The following PDE1A variants were observed in gnomAD, a reference collection of about 807,000 sequenced individuals.
PDE1A encodes the protein phosphodiesterase 1A.
Under a neutral mutation model 61.7 loss-of-function variants are expected in PDE1A, and 35 were observed. The ratio of observed to expected loss-of-function variants is 0.57; its 90% CI spans 0.43 to 0.75. The LOEUF (loss-of-function observed/expected upper bound fraction) is 0.75. Ranked by LOEUF, PDE1A falls within the 30% of genes least tolerant of loss-of-function variation. The probability of loss-of-function intolerance (pLI) is 0.00; values close to 1 mark genes in which losing one functional copy is unlikely to be tolerated. For missense variants in PDE1A, 597 were observed against 630.6 expected (o/e 0.95, Z 0.57); for synonymous variants, 232 against 213.2 (o/e 1.09, Z -0.77).
chr2:182,302,136 C>T (rs911511581), intron 1 of PDE1A, among the ~76,000 whole-genome samples: 14 of 152,168 alleles, frequency 9.2e-5, no homozygotes, highest in African/African-American at 3.4e-4. Flanking sequence ...TTAGCAAACA[C>T]CCATAATAAC....
chr2:182,237,710 G>T lies in PDE1A; in HGVS notation c.350+2400C>A, dbSNP rs577894969. 2.0e-5 allele frequency among the ~76,000 whole-genome samples: 3 copies of T among 152,292 alleles called. No homozygotes were observed. The South Asian group carries it at 6.2e-4, about 32-fold the overall frequency. ...GGCAGCAATAGTGAGGAACAGCATA[G>T]AGTGATCCGGGAAGACCTCTGGAAC... On this transcript the variant is annotated intron_variant, in intron 3 of 13. Coordinates refer to ENST00000351439, the Ensembl canonical transcript of PDE1A.
chr2:182,149,511 G>A (rs1030158406), intron 13 of PDE1A, among the ~76,000 whole-genome samples: 1 of 152,116 alleles, frequency 6.6e-6, no homozygotes, highest in Non-Finnish European at 1.5e-5. Context: ...TAAAATTCCA[G>A]CTCTTTTCAG....
intron 2 of PDE1A, among the ~76,000 whole-genome samples, chr2:182,446,486 C>T (rs543966664): frequency 6.6e-6 from 1 of 152,040 alleles, no homozygotes. Context: ...GGAGTGGCTA[C>T]TACAACATAC....
At chr2:182,248,172 A>G (rs1258496365) in intron 2 of PDE1A, among the ~76,000 whole-genome samples, 1 of 151,188 alleles carries the variant, frequency 6.6e-6, no homozygotes, top group Non-Finnish European at 1.5e-5. Context: ...CAGGAGAATC[A>G]CTTGAACCCA....
chr2:182,697,027 T>G, the PDE1A span, among the ~76,000 whole-genome samples: 9 of 152,212 alleles, frequency 5.9e-5, no homozygotes, highest in Non-Finnish European at 1.2e-4. Context: ...TTCTAAATGT[T>G]ACATATAAGC....
chr2:182,609,727 A>C, the PDE1A span, among the ~76,000 whole-genome samples: 1 of 152,254 alleles, frequency 6.6e-6, no homozygotes, highest in Non-Finnish European at 1.5e-5. Flanking sequence ...AGTCAGTGAG[A>C]CCAAGAACCC....
chr2:182,703,936 C>G, the PDE1A span, among the ~76,000 whole-genome samples: 1 of 151,972 alleles, frequency 6.6e-6, no homozygotes, highest in Non-Finnish European at 1.5e-5. Flanking sequence ...CGTGATGGCT[C>G]ACACCTGTAA....
At chr2:182,266,384 A>C (rs905645132) in intron 1 of PDE1A, among the ~76,000 whole-genome samples, 11 of 152,302 alleles carry the variant, frequency 7.2e-5, no homozygotes, top group African/African-American at 2.4e-4. Flanking sequence ...CATTATTCTT[A>C]GTCAAACTGT....
intron 2 of PDE1A, among the ~76,000 whole-genome samples, chr2:182,261,763 A>C (rs1395212934): frequency 6.6e-6 from 1 of 152,202 alleles, no homozygotes; most frequent in African/African-American, 2.4e-5. Flanking sequence ...TGCACCAGAA[A>C]AATGAATAAA....
chr2:182,171,959 T>A (rs1252002114), intron 13 of PDE1A, among the ~76,000 whole-genome samples: 1 of 151,922 alleles, frequency 6.6e-6, no homozygotes, highest in Non-Finnish European at 1.5e-5. Flanking sequence ...AAAACTCCCA[T>A]GAACTCTTGC....
At chr2:182,402,392 T>G (rs1369458646) in intron 1 of PDE1A, among the ~76,000 whole-genome samples, 1 of 152,196 alleles carries the variant, frequency 6.6e-6, no homozygotes, top group Admixed American at 6.5e-5. Flanking sequence ...CCATCTGATC[T>G]TTGACAAACC....
intron 2 of PDE1A, among the ~76,000 whole-genome samples, chr2:182,457,992 T>A (rs752203394): frequency 2.0e-5 from 3 of 152,032 alleles, no homozygotes; most frequent in Non-Finnish European, 4.4e-5. Flanking sequence ...TTTCTATACA[T>A]CCTCTATTGA....
At chr2:182,679,197 T>A in the PDE1A span, among the ~76,000 whole-genome samples, 48 of 149,774 alleles carry the variant, frequency 3.2e-4, no homozygotes, top group East Asian at 9.8e-4. Context: ...TATTATTTTT[T>A]TTTTGACACG....
At chr2:182,303,830 C>CTT (rs1695399711) in intron 1 of PDE1A, among the ~76,000 whole-genome samples, 1 of 152,192 alleles carries the variant, frequency 6.6e-6, no homozygotes, top group South Asian at 2.1e-4. Flanking sequence ...ACTGCTGCAG[C>CTT]TTTTACATTA....
At chr2:182,437,761 TTCTC>T (rs1009843143) in intron 2 of PDE1A, among the ~76,000 whole-genome samples, 3 of 151,904 alleles carry the variant, frequency 2.0e-5, no homozygotes, top group Non-Finnish European at 2.9e-5. Flanking sequence ...CTTTGATTCT[TTCTC>T]TCTGTTTCTT....
At chr2:182,343,742 A>G (rs1018817102) in intron 1 of PDE1A, among the ~76,000 whole-genome samples, 1 of 152,212 alleles carries the variant, frequency 6.6e-6, no homozygotes, top group Admixed American at 6.6e-5. Flanking sequence ...TTTAGTAATT[A>G]AGATATTAAA....
At chr2:182,298,598 A>G (rs1033087178) in intron 1 of PDE1A, among the ~76,000 whole-genome samples, 1 of 152,122 alleles carries the variant, frequency 6.6e-6, no homozygotes, top group African/African-American at 2.4e-5. Context: ...CCTTTCTTTT[A>G]CTGGAGACTA....
chr2:182,305,647 G>T (rs1695530654), intron 1 of PDE1A, among the ~76,000 whole-genome samples: 2 of 152,022 alleles, frequency 1.3e-5, no homozygotes, highest in Non-Finnish European at 2.9e-5. Context: ...TAAAATTGTT[G>T]CTAAGCATTA....
chr2:182,240,879 C>T (rs1249222764), intron 2 of PDE1A, among the ~76,000 whole-genome samples: 4 of 151,586 alleles, frequency 2.6e-5, no homozygotes, highest in African/African-American at 4.9e-5. Context: ...ATCAATGTCA[C>T]AGATTTTAAA....
Sources: allele counts gnomAD v4.1 joint callset (sites outside exome capture counted in the v4.1 genomes callset), GRCh38; gene constraint gnomAD v4.1.1; transcripts MANE v1.5; gene names NCBI Gene and HGNC (gene_info 2026-07-23, HGNC 2026-07-21).